Variants in LRRTM4 observed in about 807,000 individuals in gnomAD.
LRRTM4 encodes leucine rich repeat transmembrane neuronal 4, also known as leucine-rich repeat transmembrane neuronal protein 4.
Under a neutral mutation model 47.6 loss-of-function variants are expected in LRRTM4, and 25 were observed. The observed-to-expected ratio is 0.53, with a 90% CI of 0.38 to 0.73. LRRTM4 has a LOEUF of 0.73. Ranked by LOEUF, LRRTM4 falls within the 30% of genes least tolerant of loss-of-function variation. The pLI is 0.00. For synonymous variants in LRRTM4, 311 were observed against 269.5 expected, an observed-to-expected ratio of 1.15 and a Z score of -1.51; for missense variants, 638 against 713.4, an observed-to-expected ratio of 0.89 and a Z score of 1.20.
chr2:77,132,466 T>C (rs910018737), intron 3 of LRRTM4, among the ~76,000 whole-genome samples: 7 of 152,200 alleles, frequency 4.6e-5, no homozygotes, highest in African/African-American at 1.4e-4. Context: ...GTAGTGCAGG[T>C]ATCAAAATTT....
chr2:76,954,164 A>C (rs1377756749), intron 3 of LRRTM4, among the ~76,000 whole-genome samples: 1 of 151,926 alleles, frequency 6.6e-6, no homozygotes, highest in Non-Finnish European at 1.5e-5. Flanking sequence ...ACACAATGTT[A>C]CACGGCATGT....
intron 3 of LRRTM4, among the ~76,000 whole-genome samples, chr2:77,029,446 T>C (rs887872776): frequency 3.9e-5 from 6 of 152,042 alleles, no homozygotes; most frequent in South Asian, 2.1e-4. Context: ...GCTGAAGAAC[T>C]TGGAGTCTGA....
chr2:77,050,741 T>TC (rs1201331414), intron 3 of LRRTM4, among the ~76,000 whole-genome samples: 1 of 152,134 alleles, frequency 6.6e-6, no homozygotes, highest in African/African-American at 2.4e-5. Context: ...ACTTAACCTC[T>TC]CCAAACCACT....
intron 3 of LRRTM4, among the ~76,000 whole-genome samples, chr2:77,496,818 T>C (rs1223656544): frequency 6.6e-6 from 1 of 151,756 alleles, no homozygotes; most frequent in African/African-American, 2.4e-5. Context: ...AGTTGGAACG[T>C]GTTTCCTCCT....
chr2:77,486,816 G>A (rs955003590), intron 3 of LRRTM4, among the ~76,000 whole-genome samples: 4 of 152,144 alleles, frequency 2.6e-5, no homozygotes, highest in African/African-American at 9.7e-5. Flanking sequence ...TTGTACGTAA[G>A]GATGATATTC....
chr2:76,841,922 A>T (rs779043937), intron 3 of LRRTM4, among the ~76,000 whole-genome samples: 114 of 152,184 alleles, frequency 7.5e-4, no homozygotes, highest in Admixed American at 9.2e-4. Context: ...CAATGGGCTC[A>T]CACATGCGCT....
intron 3 of LRRTM4, among the ~76,000 whole-genome samples, chr2:76,974,211 C>CATATATATATACATACATATATAT (rs1440382318): frequency 1.7e-5 from 2 of 118,234 alleles, no homozygotes; most frequent in African/African-American, 7.5e-5. Flanking sequence ...TATATATATA[C>CATATATATATACATACATATATAT]ACATATATAT....
chr2:77,446,166 AT>A (rs1032867251), intron 3 of LRRTM4, among the ~76,000 whole-genome samples: 8 of 152,184 alleles, frequency 5.3e-5, no homozygotes, highest in African/African-American at 1.9e-4. Context: ...CAATCTGTTT[AT>A]TTTAGTAAAT....
intron 3 of LRRTM4, among the ~76,000 whole-genome samples, chr2:76,757,596 A>G (rs1291860285): frequency 6.6e-6 from 1 of 152,118 alleles, no homozygotes; most frequent in African/African-American, 2.4e-5. Flanking sequence ...CTGGCCTCTA[A>G]ATTAGAACGA....
chr2:77,217,833 T>A (rs889329785), intron 3 of LRRTM4, among the ~76,000 whole-genome samples: 1 of 152,120 alleles, frequency 6.6e-6, no homozygotes, highest in African/African-American at 2.4e-5. Flanking sequence ...AACATTCATA[T>A]CTTATATACC....
intron 3 of LRRTM4, among the ~76,000 whole-genome samples, chr2:76,786,907 T>A (rs545062214): frequency 6.6e-6 from 1 of 152,190 alleles, no homozygotes; most frequent in East Asian, 1.9e-4. Context: ...AGTCAGCAAG[T>A]TTTTGACACT....
chr2:76,898,848 T>C (rs1020694151), intron 3 of LRRTM4, among the ~76,000 whole-genome samples: 4 of 151,416 alleles, frequency 2.6e-5, no homozygotes, highest in East Asian at 1.9e-4. Context: ...TATAAAACTA[T>C]ATATAGTTAT....
At chr2:77,469,856 A>G (rs557243703) in intron 3 of LRRTM4, among the ~76,000 whole-genome samples, 1 of 152,234 alleles carries the variant, frequency 6.6e-6, no homozygotes, top group East Asian at 1.9e-4. Context: ...ACATTTTTAT[A>G]CAGATCCTAA....
At chr2:77,318,000 CTT>C (rs61212194) in intron 3 of LRRTM4, among the ~76,000 whole-genome samples, 13,668 of 98,634 alleles carry the variant, frequency 0.14, 774 homozygotes, top group East Asian at 0.34. Context: ...ATTCCTAACA[CTT>C]TTTTTTTTTT....
chr2:76,984,989 A>T (rs1280270361), intron 3 of LRRTM4, among the ~76,000 whole-genome samples: 1 of 152,026 alleles, frequency 6.6e-6, no homozygotes, highest in Non-Finnish European at 1.5e-5. Context: ...AGAGGATAGA[A>T]GTTTCACTAC....
chr2:77,500,083 C>T (rs111660957), intron 3 of LRRTM4, among the ~76,000 whole-genome samples: 2,848 of 151,720 alleles, frequency 0.019, 86 homozygotes, highest in African/African-American at 0.064. Context: ...GTATAGCTGC[C>T]GGGCCACTTT....
intron 3 of LRRTM4, among the ~76,000 whole-genome samples, chr2:77,174,652 TG>T (rs1463608566): frequency 1.3e-5 from 2 of 150,872 alleles, no homozygotes; most frequent in African/African-American, 2.5e-5. Context: ...TTTTTTTGTT[TG>T]TTTTTTTTAT....
intron 3 of LRRTM4, among the ~76,000 whole-genome samples, chr2:76,893,319 A>G (rs1385167605): frequency 6.6e-6 from 1 of 151,704 alleles, no homozygotes; most frequent in Non-Finnish European, 1.5e-5. Context: ...CAACTTTCCA[A>G]GAAAGGGGTG....
At chr2:76,842,107 C>T (rs1293153350) in intron 3 of LRRTM4, among the ~76,000 whole-genome samples, 1 of 152,122 alleles carries the variant, frequency 6.6e-6, no homozygotes, top group Non-Finnish European at 1.5e-5. Context: ...AGCAGATGGC[C>T]CTTCCCATTA....
Sources: gnomAD v4.1 joint callset for allele counts (sites outside exome capture counted in the v4.1 genomes callset) on GRCh38, gnomAD v4.1.1 for gene constraint, MANE v1.5 for transcripts, NCBI Gene and HGNC (gene_info 2026-07-23, HGNC 2026-07-21) for gene names.